GALNT15: variants seen among roughly 807,000 people sequenced by gnomAD.
The protein encoded by GALNT15 is polypeptide N-acetylgalactosaminyltransferase 15, also known as UDP-GalNAc transferase T15.
GALNT15 carries 67 observed loss-of-function variants against 66.8 expected under a neutral mutation model. The ratio of observed to expected loss-of-function variants is 1.00; its 90% CI spans 0.82 to 1.23. GALNT15 has a LOEUF of 1.23. Ranked by LOEUF, GALNT15 falls within the 50% of genes most tolerant of loss-of-function variation. The probability of loss-of-function intolerance (pLI) is 0.00; values close to 1 mark genes in which losing one functional copy is unlikely to be tolerated. For synonymous variants in GALNT15, 313 were observed against 311.5 expected (o/e 1.00, Z -0.05); for missense variants, 827 against 804.3 (o/e 1.03, Z -0.34).
rs1447189612 is a variant in GALNT15, at chr3:16,211,084, G to C, written c.1080-40G>C. The C allele has an allele frequency of 1.4e-6, 2 of 1,470,670 alleles. No homozygotes were observed. The highest frequency in any genetic ancestry group is 1.9e-6 in the Non-Finnish European group (2 of 1,050,608). The allele number at this position is 1,470,670 out of a possible 1,614,324, so 91.1% of individuals were successfully genotyped here. A position where few individuals can be genotyped will look rare whatever the true frequency, so the allele number is the denominator to read the frequency against. On this transcript the variant is annotated intron_variant, in intron 4 of 9. Transcript: ENST00000339732. The surrounding 1 kb of genome is among the most constrained non-coding windows in gnomAD (Gnocchi z 4.3). ...CCCCAGCCTCGCCTGCTGTGCTCTGGGTTCTGAACTGCAGTGTCCTGCCTG... is the reference window on the plus strand; with the variant it reads ...CCCCAGCCTCGCCTGCTGTGCTCTGCGTTCTGAACTGCAGTGTCCTGCCTG...
intron 1 of GALNT15, among the ~76,000 whole-genome samples, chr3:16,177,731 G>A (rs1408867474): frequency 6.6e-6 from 1 of 152,214 alleles, no homozygotes; most frequent in Non-Finnish European, 1.5e-5. Flanking sequence ...TTTTGCATAT[G>A]TTCACGTGGT....
intron 1 of GALNT15, among the ~76,000 whole-genome samples, chr3:16,185,786 G>C: frequency 7.8e-6 from 1 of 128,132 alleles, no homozygotes; most frequent in Non-Finnish European, 1.7e-5. Flanking sequence ...TAGATAGATA[G>C]ATAGATGATA....
intron 6 of GALNT15, among the ~76,000 whole-genome samples, chr3:16,217,390 C>G (rs1470983112): frequency 6.6e-6 from 1 of 152,216 alleles, no homozygotes; most frequent in Non-Finnish European, 1.5e-5. Flanking sequence ...CTCTGTTGAG[C>G]ATTTCCATTA....
rs2064047457 is a variant in GALNT15, at chr3:16,228,566, A to G, written c.*1066A>G. 2.5e-6 allele frequency: 2 copies of G among 794,026 alleles called. No individual in the cohort carries two copies. The highest frequency in any genetic ancestry group is 3.0e-6 in the Non-Finnish European group (2 of 657,704). 49.2% of individuals were successfully genotyped at this position (794,026 alleles called of 1,614,324 possible). On this transcript the variant is annotated 3_prime_UTR_variant, in exon 10 of 10. Coordinates refer to ENST00000339732, the MANE Select transcript of GALNT15 (RefSeq NM_054110.5). Reference sequence around the variant, plus strand: ...TGAGGCAAGAGAATCGCTTGAACCCAGGAGGCAGAGGTTGCAGTGAGCTGA... The same window carrying G: ...TGAGGCAAGAGAATCGCTTGAACCCGGGAGGCAGAGGTTGCAGTGAGCTGA...
chr3:16,233,347 A>G (rs2064103513), downstream of GALNT15, among the ~76,000 whole-genome samples: 4 of 151,922 alleles, frequency 2.6e-5, no homozygotes, highest in South Asian at 8.3e-4. Flanking sequence ...CACCCACCTC[A>G]GCCTCCCAAA....
rs1161345130 is a variant in GALNT15, at chr3:16,211,381, G to A, written c.1197+140G>A. The A allele has an allele frequency of 1.7e-6, 1 of 605,144 alleles. No individual in the cohort carries two copies. The allele number at this position is 605,144 out of a possible 1,614,324, so 37.5% of individuals were successfully genotyped here. The stretch of plus-strand genomic sequence containing the variant: ...TTATAAAGTCATTCCTGTGTTGTGT[G>A]TCAAACCTCCCATTTCTCACAGTTT... On this transcript the variant is annotated intron_variant, in intron 5 of 9. Transcript: ENST00000339732. This position sits in a 1 kb window ranked among gnomAD's most constrained non-coding sequence, Gnocchi z 4.3.
rs369955844 is a variant in GALNT15 at position 16,195,504 on chromosome 3, A to G, written c.540-256A>G. Among the ~76,000 whole-genome samples the G allele has an allele frequency of 1.3e-5, 2 of 152,346 alleles. No individual in the cohort carries two copies. The highest frequency in any genetic ancestry group is 4.8e-5 in the African/African-American group (2 of 41,576). On this transcript the variant is annotated intron_variant, in intron 1 of 9. Coordinates refer to ENST00000339732, the MANE Select transcript of GALNT15 (RefSeq NM_054110.5). The surrounding 1 kb of genome is among the most constrained non-coding windows in gnomAD (Gnocchi z 4.6). ...ACAGTCATTTGCTGAGGATGACGGC[A>G]ACGCTTCTCAATTGCAATGAGAGGG... is the stretch of plus-strand genomic sequence containing the variant.
In GALNT15 at chr3:16,209,827, C is replaced by A. The variant is rs374068553; in HGVS notation, c.1079+1157C>A. Among the ~76,000 whole-genome samples the A allele has an allele frequency of 8.5e-5, 13 of 152,160 alleles. 1 individual carries two copies. The East Asian group carries it at 1.5e-3, about 18-fold the overall frequency. On this transcript the variant is annotated intron_variant, in intron 4 of 9. Transcript: ENST00000339732. This position sits in a 1 kb window ranked among gnomAD's most constrained non-coding sequence, Gnocchi z 4.1. ...ACAGAGCAAGATTCTGTCTCAAAAA[C>A]AAAAAACAAAAACAAAATCATTAGG... is the stretch of plus-strand genomic sequence containing the variant.
chr3:16,215,048 G>A (rs2063857148), intron 6 of GALNT15, among the ~76,000 whole-genome samples: 1 of 152,216 alleles, frequency 6.6e-6, no homozygotes, highest in African/African-American at 2.4e-5. Context: ...TCTTAAAGAA[G>A]TGTTAAATGT....
chr3:16,238,700 C>T, the GALNT15 span, among the ~76,000 whole-genome samples: 1 of 152,148 alleles, frequency 6.6e-6, no homozygotes. The surrounding 1 kb of genome is among the most constrained non-coding windows in gnomAD (Gnocchi z 4.8). Context: ...CCAAGGCCTT[C>T]ACATTTAACT....
chr3:16,211,217 T>G lies in GALNT15; in HGVS notation c.1173T>G (p.Gly391=). ...ACTCTCTTATGTCGCTGCGAGGTGG[T>G]GAAAACCTCGAACTGTCTTTCAAGG... ...AYDSLMSLRG[G]ENLELSFKAW... The change falls in exon 5 of 10, where the codon GGT becomes GGG. Residue 391 remains glycine (G), a synonymous_variant. Coordinates refer to ENST00000339732, the MANE Select transcript of GALNT15 (RefSeq NM_054110.5). The surrounding 1 kb of genome is among the most constrained non-coding windows in gnomAD (Gnocchi z 4.3). The G allele has an allele frequency of 1.2e-6, 2 of 1,613,056 alleles. No individual in the cohort carries two copies. The highest frequency in any genetic ancestry group is 1.7e-6 in the Non-Finnish European group (2 of 1,179,070).
In GALNT15 at chr3:16,229,582, G is replaced by A; in HGVS notation, c.*2082G>A. On this transcript the variant is annotated 3_prime_UTR_variant, in exon 10 of 10. Transcript: ENST00000339732. The stretch of plus-strand genomic sequence containing the variant: ...CCCTAAATCCTGAGACTGAGACGGA[G>A]CTACAAATTCTCAGATGGCGACCGT... 1.0e-6 allele frequency: 1 copy of A among 985,368 alleles called. No homozygotes were observed. The highest frequency in any genetic ancestry group is 1.2e-6 in the Non-Finnish European group (1 of 829,878). The allele number at this position is 985,368 out of a possible 1,614,324, so 61.0% of individuals were successfully genotyped here. A position where few individuals can be genotyped will look rare whatever the true frequency, so the allele number is the denominator to read the frequency against.
At chr3:16,206,101 G>A (rs191322339) in intron 3 of GALNT15, among the ~76,000 whole-genome samples, 232 of 152,308 alleles carry the variant, frequency 1.5e-3, no homozygotes, top group Middle Eastern at 6.8e-3. Context: ...CACAGGCTGG[G>A]TGCAGTGGCT....
downstream of GALNT15, chr3:16,231,775 T>C: frequency 3.9e-6 from 6 of 1,526,218 alleles, no homozygotes; most frequent in Non-Finnish European, 5.3e-6. This position sits in a 1 kb window ranked among gnomAD's most constrained non-coding sequence, Gnocchi z 4.1. Context: ...TCTCCCTCCC[T>C]CTCTCCTTCT....
rs2063492984 is a variant in GALNT15 at position 16,183,851 on chromosome 3, C to A, written c.539+8161C>A. On this transcript the variant is annotated intron_variant, in intron 1 of 9. Transcript: ENST00000339732. This position sits in a 1 kb window ranked among gnomAD's most constrained non-coding sequence, Gnocchi z 5.2. Reference sequence around the variant, plus strand: ...GTGCAATGCTGTGACTCATTCTCTTCAGAGCCATCATCCAAATGCATTTTT... The same window carrying A: ...GTGCAATGCTGTGACTCATTCTCTTAAGAGCCATCATCCAAATGCATTTTT... Among the ~76,000 whole-genome samples the A allele has an allele frequency of 6.6e-6, 1 of 151,978 alleles. No individual in the cohort carries two copies. Among genetic ancestry groups the A allele is most frequent in the Non-Finnish European group, 1.5e-5 (1 of 67,972 alleles).
rs1339063137 is a variant in GALNT15, at chr3:16,212,691, T to A, written c.1320T>A (p.Ile440=). The A allele has an allele frequency of 6.2e-7, 1 of 1,614,046 alleles. No homozygotes were observed. The change falls in exon 6 of 10, where the codon ATT becomes ATA. Residue 440 remains isoleucine, a synonymous_variant. Transcript: ENST00000339732. The part of the protein sequence containing the change: ...QEATLRNRVR[I]AETWLGSFKE... ...CCACCCTGAGGAACAGGGTTCGCATTGCTGAGACCTGGCTGGGGTCATTCA... is the reference window on the plus strand; with the variant it reads ...CCACCCTGAGGAACAGGGTTCGCATAGCTGAGACCTGGCTGGGGTCATTCA...
Position 16,175,155 on chromosome 3 carries a change from C to A in GALNT15, c.4C>A (p.Leu2Ile), listed in dbSNP as rs377759992. 1.2e-6 allele frequency: 2 copies of A among 1,608,900 alleles called. No homozygotes were observed. Among genetic ancestry groups the A allele is most frequent in the Non-Finnish European group, 1.7e-6 (2 of 1,176,012 alleles). The change falls in exon 1 of 10, where the codon CTC becomes ATC. Residue 2 changes from leucine to isoleucine, a missense_variant. Physicochemically the swap from Leu to Ile is conservative, Grantham distance 5. Coordinates refer to ENST00000339732, the MANE Select transcript of GALNT15 (RefSeq NM_054110.5). The surrounding 1 kb of genome is among the most constrained non-coding windows in gnomAD (Gnocchi z 5.6). ...GCATTTGGCAAGTTCTAGCAACATG[C>A]TCCTAAGGAAGCGATACAGGCACAG... The part of the protein sequence containing the change: M[L>I]LRKRYRHRPC...
At chr3:16,214,165 T>C (rs1157373577) in intron 6 of GALNT15, among the ~76,000 whole-genome samples, 1 of 152,158 alleles carries the variant, frequency 6.6e-6, no homozygotes, top group Non-Finnish European at 1.5e-5. Flanking sequence ...CAGGAAGGCA[T>C]TGGGATTGAA....
chr3:16,197,851 G>A (rs2124865452), intron 2 of GALNT15, among the ~76,000 whole-genome samples: 1 of 152,278 alleles, frequency 6.6e-6, no homozygotes, highest in Middle Eastern at 3.4e-3. Context: ...TCAGACATGG[G>A]TGCTCTTACC....
Sources: allele counts gnomAD v4.1 joint callset (sites outside exome capture counted in the v4.1 genomes callset), GRCh38; gene constraint gnomAD v4.1.1; non-coding constraint Gnocchi (gnomAD v3.1); transcripts MANE v1.5; gene names NCBI Gene and HGNC (gene_info 2026-07-23, HGNC 2026-07-21).